CAMK1D: variants seen among roughly 807,000 people sequenced by gnomAD.
The protein encoded by CAMK1D is calcium/calmodulin-dependent protein kinase type 1D.
In CAMK1D, 9 loss-of-function variants were observed where a neutral mutation model predicts 47.7. The observed-to-expected ratio is 0.19, with a 90% CI of 0.11 to 0.33. CAMK1D has a LOEUF of 0.33. Among genes scored for constraint, CAMK1D ranks in the 10% least tolerant of loss-of-function variants. The probability of loss-of-function intolerance (pLI) is 1.00; values close to 1 mark genes in which losing one functional copy is unlikely to be tolerated. For synonymous variants in CAMK1D, 184 were observed against 184.9 expected (o/e 0.99, Z 0.04); for missense variants, 291 against 488.7 (o/e 0.60, Z 3.81).
chr10:12,456,868 A>G (rs1231000288), intron 1 of CAMK1D, among the ~76,000 whole-genome samples: 1 of 151,842 alleles, frequency 6.6e-6, no homozygotes. Flanking sequence ...AACTAACATT[A>G]CGGATACATT....
intron 1 of CAMK1D, among the ~76,000 whole-genome samples, chr10:12,523,629 C>A (rs1341508548): frequency 6.6e-6 from 1 of 152,210 alleles, no homozygotes; most frequent in African/African-American, 2.4e-5. Context: ...CCTGCAATCG[C>A]AGGCACTCGG....
intron 2 of CAMK1D, among the ~76,000 whole-genome samples, chr10:12,611,609 T>TTTTG (rs1554796845): frequency 4.1e-4 from 51 of 124,762 alleles, no homozygotes; most frequent in African/African-American, 5.9e-4. Flanking sequence ...TTTTTTTTTT[T>TTTTG]GAGACAGAGT....
At chr10:12,454,511 A>T (rs1302845467) in intron 1 of CAMK1D, among the ~76,000 whole-genome samples, 1 of 151,112 alleles carries the variant, frequency 6.6e-6, no homozygotes, top group Non-Finnish European at 1.5e-5. Flanking sequence ...CACCTGGGTT[A>T]AGAGTGCCGT....
At chr10:12,685,708 C>G (rs915386569) in intron 3 of CAMK1D, among the ~76,000 whole-genome samples, 1 of 152,194 alleles carries the variant, frequency 6.6e-6, no homozygotes, top group Non-Finnish European at 1.5e-5. Flanking sequence ...TGTTCTCAAT[C>G]ATCCTGGGCT....
chr10:12,690,225 T>G (rs1832823411), intron 3 of CAMK1D, among the ~76,000 whole-genome samples: 1 of 152,242 alleles, frequency 6.6e-6, no homozygotes, highest in Admixed American at 6.5e-5. Context: ...TATGGAGTAC[T>G]TCCTGTGCCA....
intron 1 of CAMK1D, among the ~76,000 whole-genome samples, chr10:12,475,338 T>A (rs1833871097): frequency 6.6e-6 from 1 of 152,200 alleles, no homozygotes; most frequent in Non-Finnish European, 1.5e-5. Context: ...CTCCACGAAT[T>A]TGACTACTCT....
chr10:12,589,754 A>G lies in CAMK1D; in HGVS notation c.224+36398A>G, dbSNP rs2132358107. On this transcript the variant is annotated intron_variant, in intron 2 of 10. Coordinates refer to ENST00000619168, the MANE Select transcript of CAMK1D (RefSeq NM_153498.4). The stretch of plus-strand genomic sequence containing the variant: ...TCAGCATTTACTACTTCCTAGGAAC[A>G]CAGACTTTAAAGAAAGTCAGCTTCC... 2.0e-5 allele frequency among the ~76,000 whole-genome samples: 3 copies of G among 152,312 alleles called. No individual in the cohort carries two copies. The East Asian group carries it at 5.8e-4, about 29-fold the overall frequency.
intron 5 of CAMK1D, among the ~76,000 whole-genome samples, chr10:12,771,974 C>T (rs1028867035): frequency 1.3e-5 from 2 of 151,678 alleles, no homozygotes; most frequent in Admixed American, 6.6e-5. Context: ...GCGGAAGTTG[C>T]AGTGGGCTGA....
intron 3 of CAMK1D, among the ~76,000 whole-genome samples, chr10:12,729,594 A>T (rs1834803007): frequency 6.6e-6 from 1 of 152,096 alleles, no homozygotes; most frequent in African/African-American, 2.4e-5. Flanking sequence ...TTGCCACTGC[A>T]CTCCAGCCTG....
chr10:12,653,225 G>T (rs909412955), intron 2 of CAMK1D: 3 of 154,240 alleles, frequency 1.9e-5, no homozygotes, highest in Non-Finnish European at 4.4e-5. Flanking sequence ...CCACAAATGG[G>T]TTAATCTATT....
Position 12,509,084 on chromosome 10 carries a change from T to C in CAMK1D, c.93-44141T>C, listed in dbSNP as rs111650455. ...ACCATTCACAGCTGATTGCATTTTG[T>C]CTTGTGCAGAGAGAGCAGTAGGTGC... is the stretch of plus-strand genomic sequence containing the variant. On this transcript the variant is annotated intron_variant, in intron 1 of 10. Coordinates refer to ENST00000619168, the MANE Select transcript of CAMK1D (RefSeq NM_153498.4). 7.7e-3 allele frequency among the ~76,000 whole-genome samples: 1,172 copies of C among 152,276 alleles called. 14 individuals carry two copies. The highest frequency in any genetic ancestry group is 0.027 in the African/African-American group (1,110 of 41,544).
chr10:12,751,076 G>C (rs1173716159), intron 3 of CAMK1D, among the ~76,000 whole-genome samples: 1 of 44,464 alleles, frequency 2.2e-5, no homozygotes, highest in Admixed American at 2.2e-4. Flanking sequence ...GATAAGATAA[G>C]ATAAGATAAG....
intron 1 of CAMK1D, among the ~76,000 whole-genome samples, chr10:12,400,481 T>C (rs959256162): frequency 1.3e-5 from 2 of 152,066 alleles, no homozygotes; most frequent in African/African-American, 4.8e-5. Flanking sequence ...GAGTGCAGAG[T>C]TTGGAAGCTG....
At chr10:12,447,882 C>T (rs7921039) in intron 1 of CAMK1D, among the ~76,000 whole-genome samples, 117,754 of 152,018 alleles carry the variant, frequency 0.77, 45,751 homozygotes, top group African/African-American at 0.8. Context: ...GATGGAGTTT[C>T]GCTCTTGTTG....
At chr10:12,796,762 G>A (rs149180873) in intron 6 of CAMK1D, among the ~76,000 whole-genome samples, 9 of 152,236 alleles carry the variant, frequency 5.9e-5, no homozygotes, top group Non-Finnish European at 1.2e-4. Context: ...GGTGGGGCAC[G>A]GTGCCTCATT....
chr10:12,827,314 TTC>T (rs1213936414), intron 10 of CAMK1D, among the ~76,000 whole-genome samples: 1 of 116,538 alleles, frequency 8.6e-6, no homozygotes, highest in Non-Finnish European at 1.8e-5. Flanking sequence ...TCTTTTTCTT[TTC>T]TTTCTTTCTC....
intron 1 of CAMK1D, among the ~76,000 whole-genome samples, chr10:12,410,313 G>A (rs1233506858): frequency 3.3e-5 from 5 of 152,132 alleles, no homozygotes; most frequent in Admixed American, 6.6e-5. Context: ...GTATTTTCTT[G>A]AGTGTGTATC....
chr10:12,596,969 G>A (rs959470124), intron 2 of CAMK1D, among the ~76,000 whole-genome samples: 15 of 152,000 alleles, frequency 9.9e-5, no homozygotes, highest in African/African-American at 3.4e-4. Context: ...AGTGAAACAG[G>A]ATACTCAAGG....
chr10:12,351,335 G>C (rs1230958516), intron 1 of CAMK1D, among the ~76,000 whole-genome samples: 4 of 152,186 alleles, frequency 2.6e-5, no homozygotes, highest in Non-Finnish European at 4.4e-5. Context: ...GCCTCTTAGT[G>C]CAGCCAGGTA....
Sources: gnomAD v4.1 joint callset for allele counts (sites outside exome capture counted in the v4.1 genomes callset) on GRCh38, gnomAD v4.1.1 for gene constraint, MANE v1.5 for transcripts, NCBI Gene and HGNC (gene_info 2026-07-23, HGNC 2026-07-21) for gene names.